CDC42BPB: variants seen among roughly 807,000 people sequenced by gnomAD.
CDC42BPB encodes CDC42 binding protein kinase beta.
In CDC42BPB, 37 loss-of-function variants were observed where a neutral mutation model predicts 214.9. The observed-to-expected ratio is 0.17, with a 90% CI of 0.13 to 0.23. CDC42BPB has a LOEUF of 0.23. Ranked by LOEUF, CDC42BPB falls within the 10% of genes least tolerant of loss-of-function variation. The probability of loss-of-function intolerance (pLI) is 1.00; values close to 1 mark genes in which losing one functional copy is unlikely to be tolerated. For missense variants in CDC42BPB, 1,694 were observed against 2,227.0 expected (o/e 0.76, Z 4.82); for synonymous variants, 931 against 884.0 (o/e 1.05, Z -0.94).
rs1335518788 is a variant in CDC42BPB, at chr14:102,947,702, A to G, written c.3531+19T>C. On this transcript the variant is annotated intron_variant, in intron 27 of 36. Coordinates refer to ENST00000361246, the MANE Select transcript of CDC42BPB (RefSeq NM_006035.4). ...TTTAACCATGTGCTTTGTTAAAAAG[A>G]TTAATGAAAAATTCATACCCTGAAT... 1 of 1,592,002 alleles carries G rather than the reference A, an allele frequency of 6.3e-7. No homozygotes were observed. Among genetic ancestry groups the G allele is most frequent in the Non-Finnish European group, 8.6e-7 (1 of 1,161,296 alleles).
chr14:103,012,808 AAAAT>A lies in CDC42BPB; in HGVS notation c.176-624_176-621del, dbSNP rs368809411. ...CAACAAAGCAAGACTCCATCTCAGA[AAAAT>A]AAATAAATAAAAATAGACACACAAA... On this transcript the variant is annotated intron_variant, in intron 1 of 36. Coordinates refer to ENST00000361246, the MANE Select transcript of CDC42BPB (RefSeq NM_006035.4). 5.3e-4 allele frequency among the ~76,000 whole-genome samples: 81 copies of A among 152,320 alleles called. No individual in the cohort carries two copies. The East Asian group carries it at 0.014, about 26-fold the overall frequency.
Position 103,004,773 on chromosome 14 carries a change from G to T in CDC42BPB, c.352-750C>A, listed in dbSNP as rs962088672. ...AATCCCAGCTACATGGGAGGCTGAG[G>T]GGGGAGAACTGCTTGAGCCCAGGAA... On this transcript the variant is annotated intron_variant, in intron 3 of 36. Coordinates refer to ENST00000361246, the MANE Select transcript of CDC42BPB (RefSeq NM_006035.4). This position sits in a 1 kb window ranked among gnomAD's most constrained non-coding sequence, Gnocchi z 5.3. Among the ~76,000 whole-genome samples the T allele has an allele frequency of 6.6e-6, 1 of 152,120 alleles. No individual in the cohort carries two copies. Among genetic ancestry groups the T allele is most frequent in the Non-Finnish European group, 1.5e-5 (1 of 68,020 alleles).
intron 36 of CDC42BPB, among the ~76,000 whole-genome samples, chr14:102,934,404 T>G (rs952181286): frequency 1.7e-4 from 26 of 152,100 alleles, no homozygotes; most frequent in African/African-American, 5.6e-4. Flanking sequence ...CGTGGCAGCA[T>G]GCACCTGTAG....
chr14:102,975,569 TA>T, intron 11 of CDC42BPB, 114 bp downstream of exon 11: 1 of 1,133,594 alleles, frequency 8.8e-7, no homozygotes, highest in Non-Finnish European at 1.3e-6. Flanking sequence ...ATAAGCTTGC[TA>T]AAGCCTAAGC....
intron 4 of CDC42BPB, among the ~76,000 whole-genome samples, chr14:103,003,039 C>T (rs538887229): frequency 2.6e-5 from 4 of 152,242 alleles, no homozygotes; most frequent in African/African-American, 7.2e-5. Flanking sequence ...CAGGTGGACA[C>T]GCACGTTGGC....
intron 1 of CDC42BPB, among the ~76,000 whole-genome samples, chr14:103,027,369 T>C (rs753087998): frequency 6.6e-6 from 1 of 152,220 alleles, no homozygotes; most frequent in Non-Finnish European, 1.5e-5. Flanking sequence ...GCACACTGCA[T>C]GTTTACTAAG....
chr14:102,990,638 T>C (rs1355998647), intron 5 of CDC42BPB, among the ~76,000 whole-genome samples: 2 of 152,142 alleles, frequency 1.3e-5, no homozygotes, highest in East Asian at 3.9e-4. Context: ...CCCATAGTAA[T>C]GCGCATGCCC....
At chr14:102,947,945 G>GT (rs1892261676) in intron 26 of CDC42BPB, 143 bp from the exon 27 acceptor site, 2 of 1,493,916 alleles carry the variant, frequency 1.3e-6, no homozygotes, top group African/African-American at 2.8e-5. Flanking sequence ...CTCCCCAGAT[G>GT]TAAGAAACAC....
At chr14:102,990,436 C>A (rs1894440603) in intron 5 of CDC42BPB, among the ~76,000 whole-genome samples, 1 of 152,126 alleles carries the variant, frequency 6.6e-6, no homozygotes, top group South Asian at 2.1e-4. Context: ...CATCTCAGGA[C>A]TGAGTGAGTG....
At chr14:102,970,644 G>A (rs1042426877) in intron 13 of CDC42BPB, among the ~76,000 whole-genome samples, 6 of 152,044 alleles carry the variant, frequency 3.9e-5, no homozygotes, top group Non-Finnish European at 4.4e-5. Context: ...CACACGTGCC[G>A]GCACCCAGCT....
In CDC42BPB at chr14:103,001,945, G is replaced by A. The variant is rs893804834; in HGVS notation, c.447+1983C>T. On this transcript the variant is annotated intron_variant, in intron 4 of 36. Transcript: ENST00000361246. This position sits in a 1 kb window ranked among gnomAD's most constrained non-coding sequence, Gnocchi z 5.8. ...CGCGGGAGCTCGTGAGGCAGACGGC[G>A]GAGGCCCACTCCAGAATGAGAATCA... is the stretch of plus-strand genomic sequence containing the variant. Among the ~76,000 whole-genome samples the A allele has an allele frequency of 2.0e-5, 3 of 152,212 alleles. No individual in the cohort carries two copies. Among genetic ancestry groups the A allele is most frequent in the Non-Finnish European group, 2.9e-5 (2 of 68,038 alleles).
At chr14:103,031,559 C>A (rs1887377059) in intron 1 of CDC42BPB, among the ~76,000 whole-genome samples, 1 of 152,204 alleles carries the variant, frequency 6.6e-6, no homozygotes, top group African/African-American at 2.4e-5. Flanking sequence ...ATTTATACTA[C>A]CAGGGTTTAT....
chr14:102,945,199 G>T, intron 29 of CDC42BPB: 1 of 456,314 alleles, frequency 2.2e-6, no homozygotes, highest in Non-Finnish European at 4.4e-6. Flanking sequence ...ATTCCTTGAG[G>T]GATGCTCCCC....
intron 1 of CDC42BPB, among the ~76,000 whole-genome samples, chr14:103,043,638 A>G (rs1329286209): frequency 6.6e-6 from 1 of 152,178 alleles, no homozygotes; most frequent in Non-Finnish European, 1.5e-5. Context: ...TGCTTTAAAC[A>G]GGTAAATCAT....
At chr14:102,964,770 C>A (rs2139444889) in intron 18 of CDC42BPB, 120 bp from the exon 19 acceptor site, 11 of 1,348,904 alleles carry the variant, frequency 8.2e-6, no homozygotes, top group South Asian at 2.1e-5. Context: ...TAGATATTAA[C>A]TCTAAATTAT....
rs1892069044 is a variant in CDC42BPB, at chr14:102,944,672, C to T, written c.3812-185G>A. 1.0e-6 allele frequency: 1 copy of T among 985,280 alleles called. No homozygotes were observed. The highest frequency in any genetic ancestry group is 4.7e-5 in the South Asian group (1 of 21,296). 61.0% of individuals were successfully genotyped at this position (985,280 alleles called of 1,614,324 possible). A position where few individuals can be genotyped will look rare whatever the true frequency, so the allele number is the denominator to read the frequency against. On this transcript the variant is annotated intron_variant, in intron 29 of 36. Transcript: ENST00000361246. The surrounding 1 kb of genome is among the most constrained non-coding windows in gnomAD (Gnocchi z 6.6). ...CCACAGAGCCAGTGGCTTGAACGCC[C>T]CCCGGAGAAGCTGCCCCACATCCAC...
chr14:102,969,647 C>T (rs1018825173), intron 14 of CDC42BPB, among the ~76,000 whole-genome samples: 1 of 152,240 alleles, frequency 6.6e-6, no homozygotes, highest in Non-Finnish European at 1.5e-5. Flanking sequence ...GGAGATCCGC[C>T]TCCGGCCCCT....
intron 1 of CDC42BPB, among the ~76,000 whole-genome samples, chr14:103,045,770 G>A (rs984761287): frequency 6.6e-6 from 1 of 152,160 alleles, no homozygotes; most frequent in Non-Finnish European, 1.5e-5. Context: ...GTTGAGAGCT[G>A]GGGCGTCTCG....
chr14:103,025,291 G>GA (rs1886988925), intron 1 of CDC42BPB, among the ~76,000 whole-genome samples: 1 of 151,830 alleles, frequency 6.6e-6, no homozygotes. Flanking sequence ...ATTGCACTTG[G>GA]ATCGCTTAGG....
Sources: gnomAD v4.1 joint callset for allele counts (sites outside exome capture counted in the v4.1 genomes callset) on GRCh38, gnomAD v4.1.1 for gene constraint, Gnocchi (gnomAD v3.1) non-coding constraint, MANE v1.5 for transcripts, NCBI Gene and HGNC (gene_info 2026-07-23, HGNC 2026-07-21) for gene names.